NUP153: variants seen among roughly 807,000 people sequenced by gnomAD.
NUP153 encodes the protein nucleoporin 153, also known as nuclear pore complex protein Nup153.
NUP153 carries 27 observed loss-of-function variants against 134.6 expected under a neutral mutation model. The observed-to-expected ratio is 0.20, with a 90% CI of 0.15 to 0.28. NUP153 has a LOEUF of 0.28. Among genes scored for constraint, NUP153 ranks in the 10% least tolerant of loss-of-function variants. The pLI, the probability that NUP153 is intolerant of heterozygous loss-of-function variation, is 1.00. For missense variants in NUP153, 1,821 were observed against 1,731.3 expected (o/e 1.05, Z -0.92); for synonymous variants, 640 against 623.5 (o/e 1.03, Z -0.40).
intron 11 of NUP153, chr6:17,651,886 G>A (rs994485117): frequency 2.9e-6 from 2 of 678,448 alleles, no homozygotes; most frequent in Non-Finnish European, 5.5e-6. Context: ...TTGAGCGCAG[G>A]AGCTCGAGAT....
At chr6:17,695,588 G>T (rs1769582503) in intron 1 of NUP153, among the ~76,000 whole-genome samples, 1 of 152,156 alleles carries the variant, frequency 6.6e-6, no homozygotes. Context: ...CCTTCGAGTT[G>T]ATTTCCACCG....
intron 11 of NUP153, among the ~76,000 whole-genome samples, chr6:17,650,371 G>C (rs1191315465): frequency 6.6e-6 from 1 of 152,100 alleles, no homozygotes; most frequent in Non-Finnish European, 1.5e-5. Context: ...CACAGAAAGG[G>C]AACCTCAAAG....
chr6:17,645,076 C>A (rs1179175362), intron 14 of NUP153, among the ~76,000 whole-genome samples: 1 of 151,684 alleles, frequency 6.6e-6, no homozygotes. Flanking sequence ...CACAACAAGG[C>A]TCCGTCTCAC....
In NUP153 at chr6:17,624,634, G is replaced by C; in HGVS notation, c.4101C>G (p.Ser1367Arg). 1 of 1,614,182 alleles carries C rather than the reference G, an allele frequency of 6.2e-7. No individual in the cohort carries two copies. The highest frequency in any genetic ancestry group is 8.5e-7 in the Non-Finnish European group (1 of 1,180,032). ...GTCCAAACACAGGGGGCTGGCTACT[G>C]CTTGACACTGTCCCAAAAGTAGGTG... ...PAPPTFGTVS[S>R]SSQPPVFGQQ... The change falls in exon 20 of 22, where the codon AGC (serine) becomes AGG (arginine). Residue 1367 changes from serine (S) to arginine (R), a missense_variant. Coordinates refer to ENST00000262077, the MANE Select transcript of NUP153 (RefSeq NM_005124.4).
intron 1 of NUP153, among the ~76,000 whole-genome samples, chr6:17,694,189 T>C (rs778134473): frequency 9.2e-5 from 14 of 152,214 alleles, no homozygotes; most frequent in Non-Finnish European, 1.2e-4. Context: ...CTGTATCCTC[T>C]GTATTTAATG....
intron 9 of NUP153, among the ~76,000 whole-genome samples, chr6:17,664,599 A>G (rs1270302169): frequency 6.6e-6 from 1 of 152,234 alleles, no homozygotes; most frequent in Non-Finnish European, 1.5e-5. Context: ...GGAGATGCAT[A>G]TCAAAGTACT....
Position 17,629,434 on chromosome 6 carries a change from C to G in NUP153, c.2765G>C (p.Gly922Ala), listed in dbSNP as rs568832274. 1 of 1,614,026 alleles carries G rather than the reference C, an allele frequency of 6.2e-7. No homozygotes were observed. The highest frequency in any genetic ancestry group is 1.1e-5 in the South Asian group (1 of 91,074). Reference protein sequence around the residue: ...SGPSQTLTSTGNFKFGDQGGF... With the variant: ...SGPSQTLTSTANFKFGDQGGF... The stretch of plus-strand genomic sequence containing the variant: ...TCCCTGATCTCCAAATTTAAAATTT[C>G]CAGTGCTTGTTAAAGTCTGAGAAGG... The change falls in exon 18 of 22, where the codon GGA becomes GCA. Residue 922 changes from glycine (G) to alanine (A), a missense_variant. Transcript: ENST00000262077.
intron 1 of NUP153, among the ~76,000 whole-genome samples, chr6:17,701,191 C>T (rs148131302): frequency 0.019 from 2,932 of 150,906 alleles, 32 homozygotes; most frequent in Middle Eastern, 0.038. Flanking sequence ...TGCCGTTGCA[C>T]TCCAGCCTGG....
chr6:17,688,616 G>C lies in NUP153; in HGVS notation c.114C>G (p.Gly38=), dbSNP rs1310025061. ...PYQQGRQQHQ[G]ILSRVTESVK... is the part of the protein sequence containing the mutation. ...CAGATTCTGTAACCCTGCTAAGAAT[G>C]CCCTGTTGAGAGAAAAAACATATTA... The change falls in exon 2 of 22, where the codon GGC becomes GGG. Residue 38 remains glycine (G), a splice_region_variant and synonymous_variant. Coordinates refer to ENST00000262077, the MANE Select transcript of NUP153 (RefSeq NM_005124.4). 1.9e-6 allele frequency: 3 copies of C among 1,602,142 alleles called. No homozygotes were observed. The highest frequency in any genetic ancestry group is 1.3e-5 in the African/African-American group (1 of 74,662).
Position 17,669,313 on chromosome 6 carries a change from C to T in NUP153, c.994G>A (p.Val332Ile), listed in dbSNP as rs1561890596. 14 of 1,610,206 alleles carry T rather than the reference C, an allele frequency of 8.7e-6. No homozygotes were observed. The highest frequency in any genetic ancestry group is 1.2e-5 in the Non-Finnish European group (14 of 1,176,864). ...CTTACAGAATTCAGAGGAGAAGAAA[C>T]AATGGATGGAATTCTTTTTGCATCC... is the stretch of plus-strand genomic sequence containing the variant. ...LADAKRIPSI[V>I]SSPLNSPLDR... is the part of the protein sequence containing the mutation. Residue 332 changes from valine (V) to isoleucine (I), a missense_variant, in exon 7 of 22, where the codon GTT becomes ATT. Coordinates refer to ENST00000262077, the MANE Select transcript of NUP153 (RefSeq NM_005124.4).
chr6:17,629,282 T>C lies in NUP153; in HGVS notation c.2917A>G (p.Lys973Glu). 1 of 1,610,832 alleles carries C rather than the reference T, an allele frequency of 6.2e-7. No homozygotes were observed. The highest frequency in any genetic ancestry group is 1.1e-5 in the South Asian group (1 of 90,042). ...VSSESKPEEV[K>E]KDSKNDNFKF... ...AAATTATCATTCTTACTATCTTTTT[T>C]AACTTCTTCGGGCTTAGATTCAGAT... Residue 973 changes from lysine (K) to glutamate (E), a missense_variant, in exon 18 of 22, where the codon AAA becomes GAA. Physicochemically the swap from Lys to Glu is moderately conservative, Grantham distance 56. Coordinates refer to ENST00000262077, the MANE Select transcript of NUP153 (RefSeq NM_005124.4).
At chr6:17,623,712 C>T (rs988174420) in intron 20 of NUP153, among the ~76,000 whole-genome samples, 1 of 152,142 alleles carries the variant, frequency 6.6e-6, no homozygotes, top group Admixed American at 6.5e-5. Context: ...AAACTATATG[C>T]AAAACATGGA....
At chr6:17,668,622 C>T (rs1767697591) in intron 8 of NUP153, among the ~76,000 whole-genome samples, 1 of 152,012 alleles carries the variant, frequency 6.6e-6, no homozygotes, top group African/African-American at 2.4e-5. Context: ...GCAGGCAGAT[C>T]ACCTGAGCTC....
At chr6:17,705,739 G>A (rs911109796) in intron 1 of NUP153, among the ~76,000 whole-genome samples, 1 of 152,132 alleles carries the variant, frequency 6.6e-6, no homozygotes, top group African/African-American at 2.4e-5. Flanking sequence ...GGGAAACCGA[G>A]AATTAACTCA....
Position 17,637,176 on chromosome 6 carries a change from A to G in NUP153, c.2441T>C (p.Val814Ala), listed in dbSNP as rs200363295. ...VSNNAEDNKC[V>A]SCMSEKPGSS... ...ACCTGGTTTCTCAGACATACAGGACACACACTTATTGTCTTCTGCATTATT... is the reference window on the plus strand; with the variant it reads ...ACCTGGTTTCTCAGACATACAGGACGCACACTTATTGTCTTCTGCATTATT... Residue 814 changes from valine (V) to alanine (A), a missense_variant, in exon 16 of 22, where the codon GTG becomes GCG. Val to Ala is a moderately conservative substitution (Grantham distance 64, BLOSUM62 0). Coordinates refer to ENST00000262077, the MANE Select transcript of NUP153 (RefSeq NM_005124.4). 2 of 1,611,864 alleles carry G rather than the reference A, an allele frequency of 1.2e-6. No individual in the cohort carries two copies. Among genetic ancestry groups the G allele is most frequent in the East Asian group, 4.5e-5 (2 of 44,822 alleles).
chr6:17,639,370 C>T (rs1049070711), intron 15 of NUP153, among the ~76,000 whole-genome samples: 14 of 152,036 alleles, frequency 9.2e-5, no homozygotes, highest in African/African-American at 3.1e-4. Context: ...TGAGCCACCG[C>T]GCCTGGCAAG....
chr6:17,698,828 G>GT (rs1769844825), intron 1 of NUP153, among the ~76,000 whole-genome samples: 1 of 150,112 alleles, frequency 6.7e-6, no homozygotes, highest in African/African-American at 2.5e-5. Flanking sequence ...AGCCAAGATC[G>GT]TGCCATTGCA....
intron 16 of NUP153, among the ~76,000 whole-genome samples, chr6:17,633,900 T>C (rs1196409093): frequency 6.6e-6 from 1 of 152,068 alleles, no homozygotes; most frequent in East Asian, 1.9e-4. Flanking sequence ...AAACTCTCAT[T>C]TACTCCAGTG....
At position 17,669,304 on chromosome 6, in the gene NUP153, G is replaced by A; in HGVS notation, c.1003C>T (p.Pro335Ser). Reference protein sequence around the residue: ...AKRIPSIVSSPLNSPLDRSGI... With the variant: ...AKRIPSIVSSSLNSPLDRSGI... ...AAATCTCAACTTACAGAATTCAGAGGAGAAGAAACAATGGATGGAATTCTT... is the reference window on the plus strand; with the variant it reads ...AAATCTCAACTTACAGAATTCAGAGAAGAAGAAACAATGGATGGAATTCTT... The change falls in exon 7 of 22, where the codon CCT becomes TCT. Residue 335 changes from proline to serine, a missense_variant. Transcript: ENST00000262077. 1 of 1,610,408 alleles carries A rather than the reference G, an allele frequency of 6.2e-7. No homozygotes were observed. Among genetic ancestry groups the A allele is most frequent in the Non-Finnish European group, 8.5e-7 (1 of 1,177,028 alleles).
Sources: allele counts gnomAD v4.1 joint callset (sites outside exome capture counted in the v4.1 genomes callset), GRCh38; gene constraint gnomAD v4.1.1; transcripts MANE v1.5; gene names NCBI Gene and HGNC (gene_info 2026-07-23, HGNC 2026-07-21).